Variants in PDE3B observed in about 807,000 individuals in gnomAD.
PDE3B encodes phosphodiesterase 3B.
PDE3B carries 66 observed loss-of-function variants against 116.8 expected under a neutral mutation model. That is an observed-to-expected ratio of 0.56 (90% CI 0.46 to 0.69). PDE3B has a LOEUF of 0.69. PDE3B is among the 30% of genes least tolerant of loss of function. The probability of loss-of-function intolerance (pLI) is 0.00; values close to 1 mark genes in which losing one functional copy is unlikely to be tolerated. For missense variants in PDE3B, 1,384 were observed against 1,368.1 expected (o/e 1.01, Z -0.18); for synonymous variants, 595 against 533.6 (o/e 1.12, Z -1.59).
intron 14 of PDE3B, 85 bp downstream of exon 14, chr11:14,861,451 G>GTGTT (rs1261015448): frequency 1.6e-6 from 2 of 1,257,108 alleles, no homozygotes; most frequent in East Asian, 4.8e-5. Context: ...GCTTTATTAA[G>GTGTT]TGTTTGAAAT....
the PDE3B span, among the ~76,000 whole-genome samples, chr11:14,899,159 A>AT: frequency 9.4e-3 from 1,433 of 152,122 alleles, 52 homozygotes; most frequent in East Asian, 0.13. Context: ...TGATTACCTC[A>AT]TTTTTTCGCA....
At chr11:14,848,644 G>C (rs1239727288) in intron 12 of PDE3B, among the ~76,000 whole-genome samples, 7 of 152,132 alleles carry the variant, frequency 4.6e-5, no homozygotes, top group African/African-American at 1.2e-4. Flanking sequence ...AGCAAAGTCT[G>C]AGGACACAAA....
chr11:14,734,972 A>C (rs996880697), intron 1 of PDE3B, among the ~76,000 whole-genome samples: 11 of 152,154 alleles, frequency 7.2e-5, no homozygotes, highest in Non-Finnish European at 7.4e-5. Context: ...CAAACCAGGC[A>C]AGGTTTATAC....
At chr11:14,804,662 G>A (rs1590159230) in intron 5 of PDE3B, among the ~76,000 whole-genome samples, 1 of 151,990 alleles carries the variant, frequency 6.6e-6, no homozygotes, top group African/African-American at 2.4e-5. Context: ...AGCATGTGAA[G>A]AGATCAGAAA....
intron 5 of PDE3B, among the ~76,000 whole-genome samples, chr11:14,814,344 G>A (rs1024234539): frequency 3.3e-5 from 5 of 152,022 alleles, no homozygotes; most frequent in Non-Finnish European, 5.9e-5. Flanking sequence ...TTACCATTTT[G>A]TATACATGGA....
chr11:14,764,885 T>G (rs901997960), intron 1 of PDE3B, among the ~76,000 whole-genome samples: 1 of 151,796 alleles, frequency 6.6e-6, no homozygotes, highest in African/African-American at 2.4e-5. Flanking sequence ...CACTTTTTTT[T>G]TCTGCTTCTC....
chr11:14,873,391 A>T (rs1848162851), downstream of PDE3B, among the ~76,000 whole-genome samples: 1 of 152,176 alleles, frequency 6.6e-6, no homozygotes, highest in African/African-American at 2.4e-5. Context: ...AGATTTAGAC[A>T]TAGGGAGTGC....
At chr11:14,889,160 AGTT>A in the PDE3B span, among the ~76,000 whole-genome samples, 1 of 126,966 alleles carries the variant, frequency 7.9e-6, no homozygotes, top group Admixed American at 8.8e-5. Context: ...TTTAAAGTCC[AGTT>A]GTTTTTTTTT....
chr11:14,715,943 C>CG (rs1565104376), intron 1 of PDE3B, among the ~76,000 whole-genome samples: 2 of 152,180 alleles, frequency 1.3e-5, no homozygotes. Flanking sequence ...GGAACAGCTC[C>CG]GGTCTACAGC....
the PDE3B span, among the ~76,000 whole-genome samples, chr11:14,884,968 A>T: frequency 6.6e-6 from 1 of 152,098 alleles, no homozygotes; most frequent in African/African-American, 2.4e-5. Flanking sequence ...TGGCCTGAGA[A>T]TTCAGTCTTT....
chr11:14,765,528 A>T (rs1857475504), intron 1 of PDE3B, among the ~76,000 whole-genome samples: 1 of 151,956 alleles, frequency 6.6e-6, no homozygotes, highest in Admixed American at 6.6e-5. Context: ...GTACACCTAG[A>T]TCAACTTAAA....
intron 1 of PDE3B, among the ~76,000 whole-genome samples, chr11:14,714,332 C>T (rs1171930959): frequency 6.6e-6 from 1 of 152,038 alleles, no homozygotes; most frequent in Non-Finnish European, 1.5e-5. Context: ...GCTTGCTTTT[C>T]TCTTAGTGGA....
chr11:14,699,893 A>T (rs1855316662), intron 1 of PDE3B, among the ~76,000 whole-genome samples: 1 of 151,816 alleles, frequency 6.6e-6, no homozygotes, highest in African/African-American at 2.4e-5. Context: ...AACTTTTTCG[A>T]GAGCTCAGTT....
In PDE3B at chr11:14,859,161, A is replaced by G. The variant is rs782374610; in HGVS notation, c.2639A>G (p.Lys880Arg). Reference sequence around the variant, plus strand: ...CTTCATCTTGATCATGTGGAATTCAAGCGCTTTCGTTTTTTAGTCATTGAA... The same window carrying G: ...CTTCATCTTGATCATGTGGAATTCAGGCGCTTTCGTTTTTTAGTCATTGAA... ...FLLHLDHVEFKRFRFLVIEAI... is the reference protein window; with the variant it reads ...FLLHLDHVEFRRFRFLVIEAI... The change falls in exon 13 of 16, where the codon AAG (lysine) becomes AGG (arginine). Residue 880 changes from lysine (K) to arginine (R), a missense_variant. Transcript: ENST00000282096. 1.2e-6 allele frequency: 2 copies of G among 1,613,712 alleles called. No individual in the cohort carries two copies. Among genetic ancestry groups the G allele is most frequent in the Non-Finnish European group, 1.7e-6 (2 of 1,179,754 alleles).
chr11:14,869,366 C>A, intron 15 of PDE3B, 95 bp from the exon 16 acceptor site: 2 of 849,294 alleles, frequency 2.4e-6, no homozygotes, highest in South Asian at 1.7e-5. Flanking sequence ...CTTTTATACT[C>A]CCAGTGCTTA....
chr11:14,817,169 G>A (rs1859359492), intron 5 of PDE3B, among the ~76,000 whole-genome samples: 1 of 151,978 alleles, frequency 6.6e-6, no homozygotes, highest in Non-Finnish European at 1.5e-5. Context: ...CCATCATTCT[G>A]AGCAAGCTAT....
the PDE3B span, chr11:14,880,027 G>T: frequency 2.0e-6 from 2 of 1,022,006 alleles, no homozygotes; most frequent in Non-Finnish European, 2.9e-6. Flanking sequence ...TACTTGGCTG[G>T]CATCGCAGGA....
At chr11:14,681,339 G>A (rs1462527379) in intron 1 of PDE3B, among the ~76,000 whole-genome samples, 2 of 152,150 alleles carry the variant, frequency 1.3e-5, no homozygotes. Flanking sequence ...CAATTCCCAT[G>A]TGTCATTACT....
At chr11:14,891,854 G>A in the PDE3B span, 1 of 1,410,778 alleles carries the variant, frequency 7.1e-7, no homozygotes, top group Non-Finnish European at 9.4e-7. Flanking sequence ...TCCCTCAAAG[G>A]GCAGCCGGCA....
Sources: gnomAD v4.1 joint callset for allele counts (sites outside exome capture counted in the v4.1 genomes callset) on GRCh38, gnomAD v4.1.1 for gene constraint, MANE v1.5 for transcripts, NCBI Gene and HGNC (gene_info 2026-07-23, HGNC 2026-07-21) for gene names.